Variants in CADM1 observed in about 807,000 individuals in gnomAD.
CADM1 encodes the protein TSLC-1.
CADM1 carries 15 observed loss-of-function variants against 53.1 expected under a neutral mutation model. The ratio of observed to expected loss-of-function variants is 0.28; its 90% CI spans 0.19 to 0.44. The LOEUF is 0.44. Among genes scored for constraint, CADM1 ranks in the 20% least tolerant of loss-of-function variants. The pLI is 1.00. For synonymous variants in CADM1, 281 were observed against 243.0 expected (o/e 1.16, Z -1.45); for missense variants, 434 against 611.3 (o/e 0.71, Z 3.06).
At chr11:115,468,143 T>A (rs1343986825) in intron 1 of CADM1, among the ~76,000 whole-genome samples, 1 of 152,234 alleles carries the variant, frequency 6.6e-6, no homozygotes, top group Non-Finnish European at 1.5e-5. Context: ...TTTGCACATT[T>A]TAATTTCCTA....
chr11:115,259,117 C>T (rs1942884575), intron 1 of CADM1, among the ~76,000 whole-genome samples: 1 of 151,946 alleles, frequency 6.6e-6, no homozygotes, highest in Admixed American at 6.6e-5. Context: ...TCCCAAGTAG[C>T]TGGGACTATA....
intron 1 of CADM1, among the ~76,000 whole-genome samples, chr11:115,331,560 T>C (rs994990082): frequency 2.6e-5 from 4 of 152,138 alleles, no homozygotes; most frequent in Non-Finnish European, 4.4e-5. Flanking sequence ...ACTCCTACTA[T>C]ATATAATAAA....
intron 1 of CADM1, among the ~76,000 whole-genome samples, chr11:115,344,097 C>CT (rs5794970): frequency 1 from 152,227 of 152,270 alleles, 76,092 homozygotes; most frequent in Non-Finnish European, 1. Context: ...CAATTCACTT[C>CT]TGGTCTCCTT....
intron 1 of CADM1, among the ~76,000 whole-genome samples, chr11:115,453,002 A>T (rs935787909): frequency 6.6e-6 from 1 of 152,170 alleles, no homozygotes; most frequent in Non-Finnish European, 1.5e-5. Context: ...TAATTAGATA[A>T]ATTTTATCTA....
Position 115,484,772 on chromosome 11 carries a change from C to T in CADM1, c.124+19499G>A, listed in dbSNP as rs1021420372. 9.2e-5 allele frequency among the ~76,000 whole-genome samples: 14 copies of T among 151,902 alleles called. No homozygotes were observed. The East Asian group carries it at 2.5e-3, about 27-fold the overall frequency. On this transcript the variant is annotated intron_variant, in intron 1 of 11. Transcript: ENST00000331581. The stretch of plus-strand genomic sequence containing the variant: ...ACCATCCTGGCTAACACGGTGAAAC[C>T]CCATCTCTACTAAAAATACAAAAAA...
intron 9 of CADM1, among the ~76,000 whole-genome samples, chr11:115,194,688 A>G (rs1264273859): frequency 2.0e-5 from 3 of 152,098 alleles, no homozygotes; most frequent in Non-Finnish European, 2.9e-5. Context: ...AAAGAGAGAG[A>G]GACGGAGACA....
chr11:115,400,594 T>TTTTATATATATATATATATAATATATA (rs1387016838), intron 1 of CADM1, among the ~76,000 whole-genome samples: 1 of 141,550 alleles, frequency 7.1e-6, no homozygotes, highest in African/African-American at 2.6e-5. Flanking sequence ...TATATATATC[T>TTTTATATATATATATATATAATATATA]CTCATATATA....
intron 5 of CADM1, chr11:115,218,192 A>G (rs1941266635): frequency 1.7e-6 from 1 of 575,148 alleles, no homozygotes; most frequent in South Asian, 1.9e-5. Context: ...TGAACCGCAA[A>G]TAGATAAGAG....
intron 1 of CADM1, among the ~76,000 whole-genome samples, chr11:115,467,263 T>C (rs1948916710): frequency 6.6e-6 from 1 of 152,208 alleles, no homozygotes; most frequent in Admixed American, 6.5e-5. Context: ...TGACTACTTC[T>C]ACCTTCTAAA....
At chr11:115,218,920 A>G (rs959583433) in intron 5 of CADM1, among the ~76,000 whole-genome samples, 11 of 152,350 alleles carry the variant, frequency 7.2e-5, no homozygotes, top group African/African-American at 2.4e-4. Context: ...TGGAATTAAC[A>G]TAGATACACA....
At chr11:115,350,143 G>C (rs139200240) in intron 1 of CADM1, among the ~76,000 whole-genome samples, 2,623 of 152,146 alleles carry the variant, frequency 0.017, 82 homozygotes, top group African/African-American at 0.059. Context: ...GGCTAACTTT[G>C]TATTTTTAGT....
chr11:115,452,694 A>C (rs1401703565), intron 1 of CADM1, among the ~76,000 whole-genome samples: 1 of 152,222 alleles, frequency 6.6e-6, no homozygotes, highest in Non-Finnish European at 1.5e-5. Context: ...TAAGACCAGC[A>C]CAAAACTCAA....
intron 11 of CADM1, among the ~76,000 whole-genome samples, chr11:115,177,703 T>C (rs1026207928): frequency 6.6e-6 from 1 of 151,784 alleles, no homozygotes; most frequent in African/African-American, 2.4e-5. Context: ...CTGGGAGCTC[T>C]TGGCCAAACA....
intron 1 of CADM1, among the ~76,000 whole-genome samples, chr11:115,471,585 C>T (rs1949011503): frequency 4.6e-5 from 7 of 152,136 alleles, no homozygotes. Context: ...AGAATGACCC[C>T]AAAGGCTTGT....
At chr11:115,272,944 G>A (rs1943342978) in intron 1 of CADM1, among the ~76,000 whole-genome samples, 1 of 152,096 alleles carries the variant, frequency 6.6e-6, no homozygotes, top group Admixed American at 6.5e-5. Context: ...TTTTACCATG[G>A]AAAGGCAGAC....
chr11:115,437,616 C>A (rs1202403550), intron 1 of CADM1, among the ~76,000 whole-genome samples: 1 of 152,126 alleles, frequency 6.6e-6, no homozygotes, highest in Non-Finnish European at 1.5e-5. Flanking sequence ...AATCAACATC[C>A]CTTAAATTAT....
intron 1 of CADM1, among the ~76,000 whole-genome samples, chr11:115,277,714 A>T (rs1011095601): frequency 6.6e-6 from 1 of 152,224 alleles, no homozygotes; most frequent in Non-Finnish European, 1.5e-5. Flanking sequence ...ACTCGTCATC[A>T]AATGACACTG....
At chr11:115,210,054 G>A (rs980108392) in intron 7 of CADM1, among the ~76,000 whole-genome samples, 5 of 152,206 alleles carry the variant, frequency 3.3e-5, no homozygotes, top group African/African-American at 4.8e-5. Flanking sequence ...AGGAGGTGGT[G>A]CTGCTCTATT....
intron 1 of CADM1, among the ~76,000 whole-genome samples, chr11:115,401,293 C>A (rs1947145867): frequency 6.6e-6 from 1 of 152,160 alleles, no homozygotes; most frequent in Non-Finnish European, 1.5e-5. Context: ...CTGGAAAAGA[C>A]AAAACTACAG....
Sources: gnomAD v4.1 joint callset for allele counts (sites outside exome capture counted in the v4.1 genomes callset) on GRCh38, gnomAD v4.1.1 for gene constraint, MANE v1.5 for transcripts, NCBI Gene and HGNC (gene_info 2026-07-23, HGNC 2026-07-21) for gene names.